EPHA6: variants seen among roughly 807,000 people sequenced by gnomAD.
The protein encoded by EPHA6 is EPH receptor A6, also known as ephrin type-A receptor 6.
EPHA6 carries 50 observed loss-of-function variants against 112.0 expected under a neutral mutation model. The observed-to-expected ratio is 0.45, with a 90% CI of 0.36 to 0.56. The LOEUF (loss-of-function observed/expected upper bound fraction) is 0.56, where lower values mean the gene tolerates loss of function less well. EPHA6 is among the 20% of genes least tolerant of loss of function. The pLI is 0.00. For missense variants in EPHA6, 1,280 were observed against 1,417.4 expected, an observed-to-expected ratio of 0.90 and a Z score of 1.56; for synonymous variants, 529 against 490.7, an observed-to-expected ratio of 1.08 and a Z score of -1.03.
chr3:96,960,331 C>A (rs935210469), intron 2 of EPHA6, among the ~76,000 whole-genome samples: 1 of 152,082 alleles, frequency 6.6e-6, no homozygotes, highest in Non-Finnish European at 1.5e-5. Flanking sequence ...CTGGGCATGT[C>A]ATGATCTGTT....
chr3:97,359,350 T>C (rs1456892587), intron 5 of EPHA6, among the ~76,000 whole-genome samples: 2 of 152,074 alleles, frequency 1.3e-5, no homozygotes, highest in African/African-American at 4.8e-5. Flanking sequence ...TAGTTAAGTT[T>C]TTATTTCAGT....
chr3:97,187,688 G>GAAGGAAA, intron 3 of EPHA6, among the ~76,000 whole-genome samples: 1 of 108,076 alleles, frequency 9.3e-6, no homozygotes, highest in South Asian at 3.5e-4. Context: ...AAAGAAAGAA[G>GAAGGAAA]GAAAGAAAGA....
chr3:97,040,942 TA>T (rs1416177601), intron 3 of EPHA6, among the ~76,000 whole-genome samples: 4 of 152,132 alleles, frequency 2.6e-5, no homozygotes, highest in African/African-American at 9.6e-5. Context: ...TCAAAAATTA[TA>T]GGAATCTTTA....
intron 3 of EPHA6, among the ~76,000 whole-genome samples, chr3:97,129,518 CAA>C (rs796445041): frequency 7.4e-6 from 1 of 135,354 alleles, no homozygotes; most frequent in Non-Finnish European, 1.6e-5. Context: ...CAAAAACAAA[CAA>C]AAAAAAAAAC....
intron 3 of EPHA6, among the ~76,000 whole-genome samples, chr3:97,057,401 G>A (rs961849429): frequency 2.0e-5 from 3 of 152,204 alleles, no homozygotes; most frequent in Non-Finnish European, 4.4e-5. Flanking sequence ...AGGATGCTAT[G>A]ATGGTTAAGT....
intron 3 of EPHA6, among the ~76,000 whole-genome samples, chr3:97,156,716 T>C (rs1658191156): frequency 6.6e-6 from 1 of 152,162 alleles, no homozygotes; most frequent in African/African-American, 2.4e-5. Flanking sequence ...ATCTGCACTT[T>C]TTACAATTTA....
chr3:97,431,486 T>C (rs1320511306), intron 6 of EPHA6, among the ~76,000 whole-genome samples: 2 of 152,142 alleles, frequency 1.3e-5, no homozygotes, highest in African/African-American at 4.8e-5. Flanking sequence ...TGTTTGATCC[T>C]TCCATTTCAG....
At chr3:96,899,759 G>A (rs2038500968) in intron 2 of EPHA6, among the ~76,000 whole-genome samples, 1 of 152,066 alleles carries the variant, frequency 6.6e-6, no homozygotes, top group Non-Finnish European at 1.5e-5. Flanking sequence ...TGCATGGAGG[G>A]TGCTGTCTTT....
chr3:97,247,562 G>A (rs528552616), intron 5 of EPHA6, among the ~76,000 whole-genome samples: 15 of 151,990 alleles, frequency 9.9e-5, no homozygotes, highest in African/African-American at 3.4e-4. Flanking sequence ...GTAAAATGAG[G>A]CTGATATAAG....
At chr3:96,913,997 G>A (rs1025690398) in intron 2 of EPHA6, among the ~76,000 whole-genome samples, 8 of 152,054 alleles carry the variant, frequency 5.3e-5, no homozygotes, top group Admixed American at 4.6e-4. Flanking sequence ...TTGTAGTGGA[G>A]ATATGATCAA....
At chr3:97,686,157 T>C (rs934129977) in intron 14 of EPHA6, among the ~76,000 whole-genome samples, 1 of 152,188 alleles carries the variant, frequency 6.6e-6, no homozygotes, top group Admixed American at 6.5e-5. Context: ...TCATTTGTGA[T>C]GCATTATTAC....
intron 5 of EPHA6, among the ~76,000 whole-genome samples, chr3:97,344,648 C>G (rs1348564362): frequency 6.6e-6 from 1 of 152,268 alleles, no homozygotes; most frequent in East Asian, 1.9e-4. Context: ...GTGGCTTTAT[C>G]AGTTTGTATT....
rs1057354398 is a variant in EPHA6, at chr3:97,758,681, A to G, written c.*9980A>G. On this transcript the variant is annotated 3_prime_UTR_variant, in exon 18 of 18. Coordinates refer to ENST00000389672, the MANE Select transcript of EPHA6 (RefSeq NM_001080448.3). ...ACATAGCATGACTGTGGCTCCTTTA[A>G]GCGGTAGAGGAAATCTTCCCCCAAG... Among the ~76,000 whole-genome samples, 2 of 151,962 alleles carry G rather than the reference A, an allele frequency of 1.3e-5. No individual in the cohort carries two copies. Among genetic ancestry groups the G allele is most frequent in the African/African-American group, 4.8e-5 (2 of 41,404 alleles).
rs566629792 is a variant in EPHA6, at chr3:97,183,237, C to T, written c.1115-43027C>T. 3.9e-5 allele frequency among the ~76,000 whole-genome samples: 6 copies of T among 152,158 alleles called. No homozygotes were observed. In the East Asian group the frequency reaches 1.2e-3, roughly 30 times the overall value. On this transcript the variant is annotated intron_variant, in intron 3 of 17. Transcript: ENST00000389672. Reference sequence around the variant, plus strand: ...GGTACAATCGAGTAGAGTCAATGTACTTTCCCAAATATCATCACTCTCCCT... The same window carrying T: ...GGTACAATCGAGTAGAGTCAATGTATTTTCCCAAATATCATCACTCTCCCT...
intron 3 of EPHA6, among the ~76,000 whole-genome samples, chr3:97,041,910 C>T (rs933850791): frequency 6.6e-6 from 1 of 152,108 alleles, no homozygotes; most frequent in African/African-American, 2.4e-5. Context: ...TAGGCCCCTC[C>T]TCCAACACTA....
At position 97,475,363 on chromosome 3, in the gene EPHA6, G is replaced by A. The variant is rs1472644449; in HGVS notation, c.1906G>A (p.Ala636Thr). 4 of 1,608,808 alleles carry A rather than the reference G, an allele frequency of 2.5e-6. No individual in the cohort carries two copies. In the African/African-American group the frequency reaches 5.4e-5, roughly 22 times the overall value. The change falls in exon 8 of 18, where the codon GCA (alanine) becomes ACA (threonine). Residue 636 changes from alanine (A) to threonine (T), a missense_variant. By Grantham distance (58) the Ala-to-Thr change is moderately conservative. Coordinates refer to ENST00000389672, the MANE Select transcript of EPHA6 (RefSeq NM_001080448.3). ...FETGDETSDM[A>T]AEQGQILVIA... ...TATCTCTGTTTCAGCTTCTGACATG[G>A]CAGCAGAACAAGGACAGATTCTCGT... is the stretch of plus-strand genomic sequence containing the variant.
chr3:96,911,835 C>T (rs2039231774), intron 2 of EPHA6, among the ~76,000 whole-genome samples: 1 of 151,928 alleles, frequency 6.6e-6, no homozygotes, highest in African/African-American at 2.4e-5. Context: ...ATATTTTAAT[C>T]TACCTATTTC....
Position 97,420,846 on chromosome 3 carries a change from CA to C in EPHA6, c.1731+15584del, listed in dbSNP as rs148265178. Among the ~76,000 whole-genome samples the C allele has an allele frequency of 6.5e-3, 835 of 128,724 alleles. 5 individuals are homozygous for C. Among genetic ancestry groups the C allele is most frequent in the Middle Eastern group, 0.017 (4 of 240 alleles). The allele number at this position is 128,724 out of a possible 152,430, so 84.4% of individuals were successfully genotyped here. A position where few individuals can be genotyped will look rare whatever the true frequency, so the allele number is the denominator to read the frequency against. ...AAGTATAGAAAAAAAGACAAACAGA[CA>C]AAAAAAAAAAATAGGGCCAAATTTG... On this transcript the variant is annotated intron_variant, in intron 6 of 17. Coordinates refer to ENST00000389672, the MANE Select transcript of EPHA6 (RefSeq NM_001080448.3).
At chr3:96,854,923 C>T (rs971339694) in intron 1 of EPHA6, among the ~76,000 whole-genome samples, 4 of 152,148 alleles carry the variant, frequency 2.6e-5, no homozygotes, top group Non-Finnish European at 5.9e-5. Flanking sequence ...AAATAACACA[C>T]GTTTATTTGC....
Sources: gnomAD v4.1 joint callset for allele counts (sites outside exome capture counted in the v4.1 genomes callset) on GRCh38, gnomAD v4.1.1 for gene constraint, MANE v1.5 for transcripts, NCBI Gene and HGNC (gene_info 2026-07-23, HGNC 2026-07-21) for gene names.